The following SMYD5 variants were observed in gnomAD, a reference collection of about 807,000 sequenced individuals.
SMYD5 encodes the protein SMYD family member 5.
SMYD5 carries 35 observed loss-of-function variants against 57.4 expected under a neutral mutation model. The ratio of observed to expected loss-of-function variants is 0.61; its 90% CI spans 0.47 to 0.81. The LOEUF is 0.81. SMYD5 is among the 30% of genes least tolerant of loss of function. The probability of loss-of-function intolerance (pLI) is 0.00; values close to 1 mark genes in which losing one functional copy is unlikely to be tolerated. For synonymous variants in SMYD5, 198 were observed against 189.7 expected (o/e 1.04, Z -0.36); for missense variants, 471 against 527.9 (o/e 0.89, Z 1.06).
At chr2:73,225,445 C>A in intron 11 of SMYD5, 186 bp from the exon 12 acceptor site, 1 of 678,806 alleles carries the variant, frequency 1.5e-6, no homozygotes, top group Non-Finnish European at 2.7e-6. Context: ...CTGTTGGAGC[C>A]TTATAGTGGC....
At chr2:73,214,660 A>G (rs1686259035) in intron 1 of SMYD5, 11 of 1,467,468 alleles carry the variant, frequency 7.5e-6, no homozygotes, top group Non-Finnish European at 1.0e-5. Context: ...TTGCTGCTGT[A>G]TCCCTGGAAC....
At chr2:73,221,959 T>G in intron 6 of SMYD5, 29 bp downstream of exon 6, 1 of 1,357,716 alleles carries the variant, frequency 7.4e-7, no homozygotes, top group Non-Finnish European at 1.1e-6. Context: ...CCTGTCTCCT[T>G]CCCTCCCCAA....
chr2:73,220,965 C>A (rs1408990779), intron 4 of SMYD5, among the ~76,000 whole-genome samples, 183 bp downstream of exon 4: 1 of 152,164 alleles, frequency 6.6e-6, no homozygotes, highest in Non-Finnish European at 1.5e-5. Context: ...GTCTTTCTGT[C>A]CTTAGCATTT....
At position 73,225,948 on chromosome 2, in the gene SMYD5, G is replaced by A; in HGVS notation, c.*2G>A. 6.2e-7 allele frequency: 1 copy of A among 1,612,070 alleles called. No individual in the cohort carries two copies. Among genetic ancestry groups the A allele is most frequent in the Non-Finnish European group, 8.5e-7 (1 of 1,178,842 alleles). Reference sequence around the variant, plus strand: ...GGGGATGAGATGACTGATGTGTGATGTTGCCCTGCCCAGAAAGGGCCCTGC... The same window carrying A: ...GGGGATGAGATGACTGATGTGTGATATTGCCCTGCCCAGAAAGGGCCCTGC... On this transcript the variant is annotated 3_prime_UTR_variant, in exon 13 of 13. Transcript: ENST00000389501.
In SMYD5 at chr2:73,220,682, T is replaced by C. The variant is rs760927097; in HGVS notation, c.367T>C (p.Cys123Arg). The C allele has an allele frequency of 6.2e-7, 1 of 1,614,060 alleles. No homozygotes were observed. The highest frequency in any genetic ancestry group is 1.1e-5 in the South Asian group (1 of 91,072). Residue 123 changes from cysteine (C) to arginine (R), a missense_variant, in exon 4 of 13, where the codon TGT (cysteine) becomes CGT (arginine). Physicochemically the swap from Cys to Arg is radical, Grantham distance 180. Coordinates refer to ENST00000389501, the MANE Select transcript of SMYD5 (RefSeq NM_006062.3). ...ACAGGTGATGTACTGCAGTGCAGAATGTCGGTTGGCAGCCACTGAGCAATA... is the reference window on the plus strand; with the variant it reads ...ACAGGTGATGTACTGCAGTGCAGAACGTCGGTTGGCAGCCACTGAGCAATA... ...HCQVMYCSAECRLAATEQYHQ... is the reference protein window; with the variant it reads ...HCQVMYCSAERRLAATEQYHQ...
rs756156903 is a variant in SMYD5, at chr2:73,220,001, G to A, written c.206-50G>A. The A allele has an allele frequency of 5.8e-5, 93 of 1,613,244 alleles. 1 individual carries two copies. The Middle Eastern group carries it at 4.0e-3, about 69-fold the overall frequency. On this transcript the variant is annotated intron_variant, in intron 2 of 12. Transcript: ENST00000389501. ...GCTCTGTAGGGCTGTGAAAGGGATAGATGTGGCCTCTGCTCTCAAGATATT... is the reference window on the plus strand; with the variant it reads ...GCTCTGTAGGGCTGTGAAAGGGATAAATGTGGCCTCTGCTCTCAAGATATT...
chr2:73,216,901 A>G (rs1574339277), intron 1 of SMYD5, among the ~76,000 whole-genome samples: 1 of 151,412 alleles, frequency 6.6e-6, no homozygotes, highest in African/African-American at 2.4e-5. Context: ...TTTTTTTCAA[A>G]TTGGAAGTAT....
Position 73,221,234 on chromosome 2 carries a change from G to A in SMYD5, c.537G>A (p.Gln179=). ...CTAGGATGGTGGCCACAGTGAAGCA[G>A]GTGAGCCCACCCAACCCTCTCGGGG... is the stretch of plus-strand genomic sequence containing the variant. ...LMARMVATVK[Q]AKDKDRWIRL... Residue 179 remains glutamine, a splice_region_variant and synonymous_variant, in exon 5 of 13, where the codon CAG becomes CAA. Transcript: ENST00000389501. The A allele has an allele frequency of 1.2e-6, 2 of 1,613,644 alleles. No individual in the cohort carries two copies. The highest frequency in any genetic ancestry group is 1.3e-5 in the African/African-American group (1 of 74,984).
chr2:73,222,368 G>C (rs1269901972), intron 6 of SMYD5, among the ~76,000 whole-genome samples: 1 of 152,218 alleles, frequency 6.6e-6, no homozygotes, highest in Non-Finnish European at 1.5e-5. Flanking sequence ...GGTGGAGGCA[G>C]GTGTGTACAA....
chr2:73,216,958 C>CT (rs34154940), intron 1 of SMYD5, among the ~76,000 whole-genome samples: 44,853 of 146,524 alleles, frequency 0.31, 6,881 homozygotes, highest in African/African-American at 0.37. Flanking sequence ...CTCCAACCTT[C>CT]TTTTTTTTTT....
At position 73,220,080 on chromosome 2, in the gene SMYD5, A is replaced by G; in HGVS notation, c.235A>G (p.Lys79Glu). 1.9e-6 allele frequency: 3 copies of G among 1,614,134 alleles called. No individual in the cohort carries two copies. Among genetic ancestry groups the G allele is most frequent in the Non-Finnish European group, 2.5e-6 (3 of 1,180,028 alleles). Reference sequence around the variant, plus strand: ...TGACCACTGCCTTAGGGCACTAGAGAAGGCAGAGGAGAATGCCCAGAGGCT... The same window carrying G: ...TGACCACTGCCTTAGGGCACTAGAGGAGGCAGAGGAGAATGCCCAGAGGCT... ...ACDHCLRALEKAEENAQRLTG... is the reference protein window; with the variant it reads ...ACDHCLRALEEAEENAQRLTG... Residue 79 changes from lysine to glutamate, a missense_variant, in exon 3 of 13, where the codon AAG becomes GAG. Physicochemically the swap from Lys to Glu is moderately conservative, Grantham distance 56. Coordinates refer to ENST00000389501, the MANE Select transcript of SMYD5 (RefSeq NM_006062.3).
chr2:73,221,432 CTT>C (rs57627686), intron 5 of SMYD5, among the ~76,000 whole-genome samples, 198 bp downstream of exon 5: 344 of 128,430 alleles, frequency 2.7e-3, no homozygotes, highest in African/African-American at 8.3e-3. Flanking sequence ...TGCCTGTAGT[CTT>C]TTTTTTTTTT....
intron 2 of SMYD5, 131 bp from the exon 3 acceptor site, chr2:73,219,920 T>C: frequency 9.4e-7 from 1 of 1,060,250 alleles, no homozygotes. Flanking sequence ...ATTATTCATT[T>C]ACTCACTTTC....
intron 1 of SMYD5, chr2:73,214,698 G>A: frequency 1.4e-6 from 2 of 1,390,810 alleles, no homozygotes; most frequent in Non-Finnish European, 1.9e-6. Flanking sequence ...CGGGCAGAGA[G>A]AACTGAGGTG....
intron 1 of SMYD5, 125 bp from the exon 2 acceptor site, chr2:73,218,736 C>A: frequency 1.5e-6 from 1 of 670,584 alleles, no homozygotes. Flanking sequence ...TCCATGAACT[C>A]ACAGAGGCAG....
Position 73,226,870 on chromosome 2 carries a change from C to A in SMYD5, c.*924C>A, listed in dbSNP as rs1686517786. The A allele has an allele frequency of 6.6e-6, 1 of 152,664 alleles. No individual in the cohort carries two copies. Among genetic ancestry groups the A allele is most frequent in the Non-Finnish European group, 1.5e-5 (1 of 68,080 alleles). The allele number at this position is 152,664 out of a possible 1,614,324, so 9.5% of individuals were successfully genotyped here. ...CATCTTTAGGGTCTCCACAGACTAA[C>A]ATTGAAGTCTTCCAGAAACCTCGAG... On this transcript the variant is annotated 3_prime_UTR_variant, in exon 13 of 13. Transcript: ENST00000389501.
Position 73,221,934 on chromosome 2 carries a change from A to G in SMYD5, c.642+4A>G. 4 of 1,575,516 alleles carry G rather than the reference A, an allele frequency of 2.5e-6. No individual in the cohort carries two copies. The highest frequency in any genetic ancestry group is 3.5e-6 in the Non-Finnish European group (4 of 1,144,866). ...ACTTCTGGGAGACAAATTCAAGGTT[A>G]TTATTCTCCCGTGGCCTGTCTCCTT... On this transcript the variant is annotated splice_donor_region_variant and intron_variant, in intron 6 of 12. Coordinates refer to ENST00000389501, the MANE Select transcript of SMYD5 (RefSeq NM_006062.3).
Position 73,225,865 on chromosome 2 carries a change from AGAAGAGGAAGAG to A in SMYD5, c.1185_1196del (p.Glu400_Glu403del). The A allele has an allele frequency of 6.2e-7, 1 of 1,614,204 alleles. No homozygotes were observed. The highest frequency in any genetic ancestry group is 8.5e-7 in the Non-Finnish European group (1 of 1,180,016). ...AGGCTGATGAACCCAATGTGACCTC[AGAAGAGGAAGAG>A]GAAGAGGAGGAGGAGGAGGAAGGAG... is the stretch of plus-strand genomic sequence containing the variant. On this transcript the variant is annotated inframe_deletion, in exon 13 of 13. Transcript: ENST00000389501.
At chr2:73,220,848 A>G in intron 4 of SMYD5, 66 bp downstream of exon 4, 1 of 1,568,970 alleles carries the variant, frequency 6.4e-7, no homozygotes, top group Non-Finnish European at 8.7e-7. Flanking sequence ...TGGGCTCATC[A>G]GGTGTTGCCG....
Sources: allele counts gnomAD v4.1 joint callset (sites outside exome capture counted in the v4.1 genomes callset), GRCh38; gene constraint gnomAD v4.1.1; transcripts MANE v1.5; gene names NCBI Gene and HGNC (gene_info 2026-07-23, HGNC 2026-07-21).